The following TMEM232 variants were observed in gnomAD, a reference collection of about 807,000 sequenced individuals.
TMEM232 encodes transmembrane protein 232.
Under a neutral mutation model 78.8 loss-of-function variants are expected in TMEM232, and 80 were observed. The observed-to-expected ratio is 1.01, with a 90% confidence interval of 0.85 to 1.22. TMEM232 has a LOEUF of 1.22. Ranked by LOEUF, TMEM232 falls within the 50% of genes most tolerant of loss-of-function variation. The probability of loss-of-function intolerance (pLI) is 0.00; values close to 1 mark genes in which losing one functional copy is unlikely to be tolerated. For synonymous variants in TMEM232, 297 were observed against 254.3 expected, an observed-to-expected ratio of 1.17 and a Z score of -1.60; for missense variants, 881 against 742.2, an observed-to-expected ratio of 1.19 and a Z score of -2.17.
intron 12 of TMEM232, among the ~76,000 whole-genome samples, chr5:110,492,860 G>C (rs1765261788): frequency 6.6e-6 from 1 of 151,862 alleles, no homozygotes; most frequent in African/African-American, 2.4e-5. Flanking sequence ...AAAAATTTTT[G>C]AAGCCACATT....
At chr5:110,389,135 C>G (rs35032249) in intron 4 of TMEM232, among the ~76,000 whole-genome samples, 13,602 of 152,100 alleles carry the variant, frequency 0.089, 776 homozygotes, top group South Asian at 0.18. Context: ...TTGGCACATG[C>G]CTGTTATCAC....
At chr5:110,526,249 C>T (rs913016871) in intron 12 of TMEM232, among the ~76,000 whole-genome samples, 2 of 147,348 alleles carry the variant, frequency 1.4e-5, no homozygotes, top group South Asian at 4.3e-4. Context: ...GACTATACGG[C>T]AAAAAAATGC....
At chr5:110,407,551 C>A (rs568032092) in intron 2 of TMEM232, among the ~76,000 whole-genome samples, 3 of 152,062 alleles carry the variant, frequency 2.0e-5, no homozygotes, top group Non-Finnish European at 4.4e-5. Flanking sequence ...TAGACCTAAA[C>A]GGGGAGATAG....
chr5:110,630,457 G>A (rs573614331), intron 5 of TMEM232, among the ~76,000 whole-genome samples: 2 of 152,116 alleles, frequency 1.3e-5, no homozygotes, highest in African/African-American at 4.8e-5. Flanking sequence ...CTCACATGTC[G>A]GGGGAGGGGC....
chr5:110,477,365 T>C lies in TMEM232; in HGVS notation c.1703+51223A>G, dbSNP rs138710019. 3.6e-3 allele frequency among the ~76,000 whole-genome samples: 548 copies of C among 152,014 alleles called. 6 individuals carry two copies. Among genetic ancestry groups the C allele is most frequent in the African/African-American group, 0.013 (526 of 41,544 alleles). ...CTAGATTACTGATATCAACTACTATTCATCAATTATTATTCAAAGTAACAA... is the reference window on the plus strand; with the variant it reads ...CTAGATTACTGATATCAACTACTATCCATCAATTATTATTCAAAGTAACAA... On this transcript the variant is annotated intron_variant, in intron 12 of 13. Coordinates refer to ENST00000455884, the MANE Select transcript of TMEM232 (RefSeq NM_001039763.4).
intron 4 of TMEM232, chr5:110,390,373 A>G (rs1755133806): frequency 6.6e-6 from 1 of 152,176 alleles, no homozygotes; most frequent in African/African-American, 2.4e-5. Flanking sequence ...TTCTTACACA[A>G]TATAAAGTGA....
At chr5:110,387,732 A>T (rs564030351) in intron 5 of TMEM232, 1 of 152,310 alleles carries the variant, frequency 6.6e-6, no homozygotes, top group South Asian at 2.1e-4. Context: ...GATGTTTTTA[A>T]AAAAAATTGT....
At chr5:110,459,376 T>A (rs992085039) in intron 12 of TMEM232, among the ~76,000 whole-genome samples, 2 of 152,136 alleles carry the variant, frequency 1.3e-5, no homozygotes, top group Admixed American at 6.6e-5. Context: ...AGCACCGAGT[T>A]TGATCTTAAA....
At chr5:110,576,628 C>T (rs1777600858) in intron 10 of TMEM232, among the ~76,000 whole-genome samples, 2 of 152,052 alleles carry the variant, frequency 1.3e-5, no homozygotes, top group African/African-American at 2.4e-5. Flanking sequence ...TACCCGACTT[C>T]AAACTATACT....
At chr5:110,642,868 G>A (rs1786936729) in intron 2 of TMEM232, among the ~76,000 whole-genome samples, 1 of 152,108 alleles carries the variant, frequency 6.6e-6, no homozygotes, top group South Asian at 2.1e-4. Flanking sequence ...TTAACTACAT[G>A]AGATGGGAGG....
chr5:110,428,620 C>A (rs567299245), intron 12 of TMEM232, among the ~76,000 whole-genome samples: 21 of 151,690 alleles, frequency 1.4e-4, no homozygotes, highest in South Asian at 1.0e-3. Flanking sequence ...CACTAGCTAA[C>A]CCCAGCACTT....
At chr5:110,549,304 G>A (rs1774168273) in intron 11 of TMEM232, among the ~76,000 whole-genome samples, 1 of 151,978 alleles carries the variant, frequency 6.6e-6, no homozygotes, top group Non-Finnish European at 1.5e-5. Context: ...AGTATCAAGA[G>A]AATCAAAAGT....
At chr5:110,530,854 TAA>T (rs1771351329) in intron 11 of TMEM232, among the ~76,000 whole-genome samples, 2 of 152,222 alleles carry the variant, frequency 1.3e-5, no homozygotes, top group Non-Finnish European at 2.9e-5. Context: ...GAGTAGATGT[TAA>T]ATGTTCTCAA....
At chr5:110,396,437 C>T (rs917445675) in intron 3 of TMEM232, among the ~76,000 whole-genome samples, 1 of 152,134 alleles carries the variant, frequency 6.6e-6, no homozygotes, top group African/African-American at 2.4e-5. Flanking sequence ...TGAATATTCT[C>T]TTTAGTTGCT....
At chr5:110,409,167 C>A (rs1755899966) in intron 2 of TMEM232, among the ~76,000 whole-genome samples, 1 of 152,136 alleles carries the variant, frequency 6.6e-6, no homozygotes, top group Non-Finnish European at 1.5e-5. Flanking sequence ...AGGTATTCTT[C>A]CAATAATGAA....
intron 10 of TMEM232, among the ~76,000 whole-genome samples, chr5:110,602,257 C>T (rs1375538908): frequency 6.6e-6 from 1 of 152,088 alleles, no homozygotes; most frequent in Non-Finnish European, 1.5e-5. Flanking sequence ...ATGACTAAAA[C>T]ACCGAAAGCA....
At chr5:110,391,326 TGAGA>T (rs71626630) in intron 3 of TMEM232, among the ~76,000 whole-genome samples, 4 of 139,814 alleles carry the variant, frequency 2.9e-5, no homozygotes, top group East Asian at 2.2e-4. Flanking sequence ...TGTGTGTGTG[TGAGA>T]GAGAGAGAGA....
chr5:110,558,045 T>C (rs1345794068), intron 11 of TMEM232, among the ~76,000 whole-genome samples: 3 of 152,186 alleles, frequency 2.0e-5, no homozygotes, highest in Non-Finnish European at 2.9e-5. Context: ...GTTTCTGAAT[T>C]ATTTCAGGTA....
At chr5:110,626,312 A>G (rs555550005) in intron 6 of TMEM232, among the ~76,000 whole-genome samples, 1 of 152,214 alleles carries the variant, frequency 6.6e-6, no homozygotes, top group South Asian at 2.1e-4. Flanking sequence ...CACTATGCTG[A>G]ACACTGTGAG....
Sources: gnomAD v4.1 joint callset for allele counts (sites outside exome capture counted in the v4.1 genomes callset) on GRCh38, gnomAD v4.1.1 for gene constraint, MANE v1.5 for transcripts, NCBI Gene and HGNC (gene_info 2026-07-23, HGNC 2026-07-21) for gene names.